Variants in GRID1 observed in about 807,000 individuals in gnomAD.
GRID1 encodes the protein glutamate receptor ionotropic, delta-1.
Under a neutral mutation model 98.0 loss-of-function variants are expected in GRID1, and 28 were observed. The ratio of observed to expected loss-of-function variants is 0.29; its 90% CI spans 0.21 to 0.39. The LOEUF is 0.39. Ranked by LOEUF, GRID1 falls within the 10% of genes least tolerant of loss-of-function variation. GRID1 has a pLI of 1.00. For missense variants in GRID1, 1,111 were observed against 1,340.5 expected (o/e 0.83, Z 2.67); for synonymous variants, 553 against 538.5 (o/e 1.03, Z -0.37).
At position 85,679,299 on chromosome 10, in the gene GRID1, T is replaced by C. The variant is rs74717081; in HGVS notation, c.1998-31902A>G. ...ATCTTCCTCTGCCATACCTAAAATATGACTCCTGTCGAAGGCTTTGTCTGA... is the reference window on the plus strand; with the variant it reads ...ATCTTCCTCTGCCATACCTAAAATACGACTCCTGTCGAAGGCTTTGTCTGA... On this transcript the variant is annotated intron_variant, in intron 12 of 15. Transcript: ENST00000327946. Among the ~76,000 whole-genome samples the C allele has an allele frequency of 3.7e-3, 561 of 152,340 alleles. 1 individual carries two copies. Among genetic ancestry groups the C allele is most frequent in the Non-Finnish European group, 6.8e-3 (464 of 68,034 alleles).
chr10:85,935,894 C>G (rs1291075735), intron 4 of GRID1, among the ~76,000 whole-genome samples: 1 of 152,218 alleles, frequency 6.6e-6, no homozygotes, highest in African/African-American at 2.4e-5. Context: ...CTGCACACTA[C>G]CTTGCCTTAT....
chr10:85,790,693 G>T (rs905688315), intron 8 of GRID1, among the ~76,000 whole-genome samples: 1 of 152,142 alleles, frequency 6.6e-6, no homozygotes, highest in African/African-American at 2.4e-5. Context: ...TTCTGTCTGG[G>T]TCAGGTGCAT....
chr10:86,122,912 C>T (rs1180709425), intron 4 of GRID1, among the ~76,000 whole-genome samples: 2 of 152,176 alleles, frequency 1.3e-5, no homozygotes, highest in African/African-American at 4.8e-5. Context: ...CAGCTTAGTG[C>T]CCTGCCGTGC....
intron 2 of GRID1, among the ~76,000 whole-genome samples, chr10:86,319,613 G>C (rs1360217752): frequency 6.6e-6 from 1 of 152,148 alleles, no homozygotes; most frequent in Non-Finnish European, 1.5e-5. Context: ...CCCACCATGG[G>C]GAGCACACTC....
chr10:85,997,359 A>G (rs1423002950), intron 4 of GRID1, among the ~76,000 whole-genome samples: 1 of 151,934 alleles, frequency 6.6e-6, no homozygotes, highest in Non-Finnish European at 1.5e-5. Flanking sequence ...AGATCGCGCC[A>G]CTGTACTACA....
chr10:85,797,551 T>A (rs892044315), intron 8 of GRID1, among the ~76,000 whole-genome samples: 107 of 151,954 alleles, frequency 7.0e-4, no homozygotes, highest in African/African-American at 2.6e-3. Context: ...TGCCTCAGCC[T>A]CCTGAGCAGC....
At chr10:85,877,448 A>T (rs910820814) in intron 5 of GRID1, among the ~76,000 whole-genome samples, 3 of 152,042 alleles carry the variant, frequency 2.0e-5, no homozygotes, top group Non-Finnish European at 4.4e-5. Context: ...GGGTCACCAA[A>T]ATCCACTGTT....
chr10:85,634,925 AC>A (rs1350603391), intron 13 of GRID1, among the ~76,000 whole-genome samples: 2 of 145,002 alleles, frequency 1.4e-5, no homozygotes, highest in African/African-American at 5.1e-5. Context: ...GAATCAGCCC[AC>A]ATTTACAGCC....
intron 13 of GRID1, among the ~76,000 whole-genome samples, chr10:85,633,031 C>T (rs564918290): frequency 5.3e-5 from 8 of 152,222 alleles, no homozygotes; most frequent in African/African-American, 1.4e-4. Context: ...CAGCTTCCTC[C>T]GTGTCCCTGA....
chr10:85,773,621 C>T (rs1053939702), intron 8 of GRID1, among the ~76,000 whole-genome samples: 7 of 152,186 alleles, frequency 4.6e-5, no homozygotes, highest in Non-Finnish European at 8.8e-5. Flanking sequence ...GCAACTTCAG[C>T]AAAGTCTCAG....
At chr10:85,954,888 G>A (rs1348274761) in intron 4 of GRID1, among the ~76,000 whole-genome samples, 1 of 152,196 alleles carries the variant, frequency 6.6e-6, no homozygotes, top group Non-Finnish European at 1.5e-5. Context: ...AAATTTAAAT[G>A]AGATCATGGA....
At chr10:85,644,314 C>T (rs544708046) in intron 13 of GRID1, 26 of 152,382 alleles carry the variant, frequency 1.7e-4, no homozygotes, top group African/African-American at 6.3e-4. Flanking sequence ...CTAAACCTAA[C>T]ACCAACTCTG....
intron 12 of GRID1, among the ~76,000 whole-genome samples, chr10:85,672,924 T>G (rs535849786): frequency 6.6e-6 from 1 of 152,380 alleles, no homozygotes; most frequent in South Asian, 2.1e-4. Flanking sequence ...CCATAGATAG[T>G]GATTCTTCTG....
intron 8 of GRID1, among the ~76,000 whole-genome samples, chr10:85,730,023 T>C (rs1007598077): frequency 2.6e-5 from 4 of 152,336 alleles, no homozygotes; most frequent in Admixed American, 6.5e-5. Flanking sequence ...GCTCCCTCCA[T>C]GGGTAGGATG....
At chr10:86,087,364 TG>T (rs1250581091) in intron 4 of GRID1, among the ~76,000 whole-genome samples, 12 of 150,808 alleles carry the variant, frequency 8.0e-5, no homozygotes, top group African/African-American at 3.0e-4. Flanking sequence ...TGTGTGTGTG[TG>T]TGTTGTGAGT....
At chr10:85,771,224 G>A (rs1056011168) in intron 8 of GRID1, among the ~76,000 whole-genome samples, 1 of 152,144 alleles carries the variant, frequency 6.6e-6, no homozygotes, top group Non-Finnish European at 1.5e-5. Context: ...GCCAAACTAA[G>A]ATTCATAAGT....
At chr10:86,299,257 T>C (rs1206461267) in intron 2 of GRID1, among the ~76,000 whole-genome samples, 3 of 151,500 alleles carry the variant, frequency 2.0e-5, no homozygotes, top group East Asian at 1.9e-4. Flanking sequence ...ACATAAACTT[T>C]ATATCCTTTG....
At chr10:86,208,711 T>C (rs1846068735) in intron 2 of GRID1, among the ~76,000 whole-genome samples, 1 of 152,178 alleles carries the variant, frequency 6.6e-6, no homozygotes, top group Non-Finnish European at 1.5e-5. Flanking sequence ...GACCCCAGGC[T>C]CCAGGAGGAC....
intron 3 of GRID1, among the ~76,000 whole-genome samples, chr10:86,143,580 T>C (rs1336530034): frequency 6.6e-6 from 1 of 152,146 alleles, no homozygotes; most frequent in Non-Finnish European, 1.5e-5. Flanking sequence ...CTGTACACAC[T>C]GGCCAGCCCC....
Sources: gnomAD v4.1 joint callset for allele counts (sites outside exome capture counted in the v4.1 genomes callset) on GRCh38, gnomAD v4.1.1 for gene constraint, MANE v1.5 for transcripts, NCBI Gene and HGNC (gene_info 2026-07-23, HGNC 2026-07-21) for gene names.